Variants in MCC observed in about 807,000 individuals in gnomAD.
MCC encodes MCC regulator of Wnt signaling pathway.
Under a neutral mutation model 116.2 loss-of-function variants are expected in MCC, and 90 were observed. The ratio of observed to expected loss-of-function variants is 0.77; its 90% CI spans 0.65 to 0.92. MCC has a LOEUF of 0.92. MCC is among the 40% of genes least tolerant of loss of function. The pLI, the probability that MCC is intolerant of heterozygous loss-of-function variation, is 0.00. For missense variants in MCC, 1,516 were observed against 1,312.2 expected (o/e 1.16, Z -2.40); for synonymous variants, 578 against 510.5 (o/e 1.13, Z -1.78).
chr5:113,241,846 A>C (rs11746791), intron 3 of MCC, among the ~76,000 whole-genome samples: 16,474 of 152,212 alleles, frequency 0.11, 1,409 homozygotes, highest in Admixed American at 0.25. Context: ...AAAAACTGCA[A>C]AGACATTCAG....
In MCC at chr5:113,104,449, A is replaced by T. The variant is rs1287462868; in HGVS notation, c.1028-94T>A. 23 of 1,099,928 alleles carry T rather than the reference A, an allele frequency of 2.1e-5. 1 individual carries two copies. The highest frequency in any genetic ancestry group is 2.7e-5 in the Non-Finnish European group (21 of 781,838). 68.1% of individuals were successfully genotyped at this position (1,099,928 alleles called of 1,614,324 possible). A position where few individuals can be genotyped will look rare whatever the true frequency, so the allele number is the denominator to read the frequency against. On this transcript the variant is annotated intron_variant, in intron 6 of 18. Transcript: ENST00000408903. ...GGACTCATTCAGGTAATGGGATGGC[A>T]ATGGAGCCTGACATTTCAAAGTTCA...
chr5:113,428,499 G>A (rs1770540764), intron 1 of MCC, among the ~76,000 whole-genome samples: 2 of 152,198 alleles, frequency 1.3e-5, no homozygotes, highest in African/African-American at 4.8e-5. Context: ...TATATGATAT[G>A]AGGCTACAAA....
At chr5:113,128,636 A>T (rs936874784) in intron 5 of MCC, among the ~76,000 whole-genome samples, 1 of 152,240 alleles carries the variant, frequency 6.6e-6, no homozygotes, top group African/African-American at 2.4e-5. Context: ...TCCTATGAAT[A>T]TAACAATCCA....
intron 3 of MCC, among the ~76,000 whole-genome samples, chr5:113,235,113 A>G (rs1764080280): frequency 6.6e-6 from 1 of 152,200 alleles, no homozygotes; most frequent in South Asian, 2.1e-4. Flanking sequence ...CTGTTCCTAA[A>G]GCTGCCCGAG....
intron 5 of MCC, among the ~76,000 whole-genome samples, chr5:113,128,449 TG>T (rs1330798235): frequency 6.6e-6 from 1 of 152,260 alleles, no homozygotes; most frequent in Non-Finnish European, 1.5e-5. Context: ...TGGAAGGAAA[TG>T]TATTCCTTTT....
chr5:113,370,430 T>C (rs1270423812), intron 2 of MCC, among the ~76,000 whole-genome samples: 1 of 152,200 alleles, frequency 6.6e-6, no homozygotes, highest in East Asian at 1.9e-4. Context: ...CAAAACTAGA[T>C]AATAAGGAGT....
rs1422773329 is a variant in MCC, at chr5:113,434,384, C to T, written c.171-49172G>A. 1 of 1,613,946 alleles carries T rather than the reference C, an allele frequency of 6.2e-7. No individual in the cohort carries two copies. Among genetic ancestry groups the T allele is most frequent in the Admixed American group, 1.7e-5 (1 of 60,016 alleles). On this transcript the variant is annotated intron_variant, in intron 1 of 18. Coordinates refer to ENST00000408903, the MANE Select transcript of MCC (RefSeq NM_001085377.2). This position sits in a 1 kb window ranked among gnomAD's most constrained non-coding sequence, Gnocchi z 4.2. ...AGCGCTTGGAGAAGCTGAAGTCGGA[C>T]AGCTTGATGTTGAAGTCCTTGTCAA...
chr5:113,147,837 C>T (rs953679302), intron 4 of MCC, among the ~76,000 whole-genome samples: 2 of 151,998 alleles, frequency 1.3e-5, no homozygotes, highest in Admixed American at 6.6e-5. Flanking sequence ...AAATACATGC[C>T]GACTACATCT....
At chr5:113,243,594 T>C (rs1169736114) in intron 3 of MCC, among the ~76,000 whole-genome samples, 1 of 152,246 alleles carries the variant, frequency 6.6e-6, no homozygotes, top group Non-Finnish European at 1.5e-5. Flanking sequence ...AAAGTTTCAT[T>C]CTGCCAAATG....
At chr5:113,402,245 G>A (rs1316030495) in intron 1 of MCC, among the ~76,000 whole-genome samples, 2 of 143,678 alleles carry the variant, frequency 1.4e-5, no homozygotes, top group African/African-American at 2.7e-5. Context: ...AGTGAGCTGA[G>A]ATTGCGCCAC....
chr5:113,132,224 T>C (rs1389183751), intron 5 of MCC, among the ~76,000 whole-genome samples: 1 of 151,542 alleles, frequency 6.6e-6, no homozygotes, highest in Non-Finnish European at 1.5e-5. Context: ...TGTAAAGTGA[T>C]CTTCATTCTT....
At chr5:113,274,308 T>C (rs1373971495) in intron 3 of MCC, among the ~76,000 whole-genome samples, 2 of 152,186 alleles carry the variant, frequency 1.3e-5, no homozygotes, top group Non-Finnish European at 2.9e-5. Flanking sequence ...GGGAAACCAA[T>C]AGGGAAGCAT....
chr5:113,440,194 GCAGCC>G (rs1770993558), intron 1 of MCC, among the ~76,000 whole-genome samples: 3 of 152,138 alleles, frequency 2.0e-5, no homozygotes, highest in African/African-American at 7.2e-5. Context: ...TCTCCTCATT[GCAGCC>G]CAGTGCTCCT....
At chr5:113,471,165 T>G (rs1031212681) in intron 1 of MCC, among the ~76,000 whole-genome samples, 2 of 152,208 alleles carry the variant, frequency 1.3e-5, no homozygotes, top group Non-Finnish European at 2.9e-5. Context: ...TCTGAAGCCT[T>G]CTCTCAACTC....
chr5:113,232,452 C>G (rs1025745412), intron 3 of MCC, among the ~76,000 whole-genome samples: 4 of 152,088 alleles, frequency 2.6e-5, no homozygotes, highest in African/African-American at 9.7e-5. Context: ...ACACCCTTGC[C>G]CAAGTCTATC....
At chr5:113,278,537 AACT>A in intron 3 of MCC, among the ~76,000 whole-genome samples, 1 of 152,342 alleles carries the variant, frequency 6.6e-6, no homozygotes, top group East Asian at 1.9e-4. Flanking sequence ...TTTCCAAGGT[AACT>A]AACATTTAAA....
chr5:113,066,627 T>C (rs1288792067), intron 13 of MCC, among the ~76,000 whole-genome samples: 1 of 152,212 alleles, frequency 6.6e-6, no homozygotes, highest in Non-Finnish European at 1.5e-5. Flanking sequence ...CAGATTCCTG[T>C]GCAAGTCGAA....
intron 1 of MCC, among the ~76,000 whole-genome samples, chr5:113,413,212 G>A (rs1240736957): frequency 6.6e-6 from 1 of 150,542 alleles, no homozygotes; most frequent in Non-Finnish European, 1.5e-5. Flanking sequence ...TGTTCATCAA[G>A]GATATTGGTC....
intron 3 of MCC, among the ~76,000 whole-genome samples, chr5:113,255,385 CCAAA>C (rs1158720517): frequency 6.6e-6 from 1 of 152,106 alleles, no homozygotes; most frequent in African/African-American, 2.4e-5. Context: ...GGTAAAAGGT[CCAAA>C]ATGAATTCCA....
Sources: allele counts gnomAD v4.1 joint callset (sites outside exome capture counted in the v4.1 genomes callset), GRCh38; gene constraint gnomAD v4.1.1; non-coding constraint Gnocchi (gnomAD v3.1); transcripts MANE v1.5; gene names NCBI Gene and HGNC (gene_info 2026-07-23, HGNC 2026-07-21).